CPA6: variants seen among roughly 807,000 people sequenced by gnomAD.
CPA6 encodes the protein carboxypeptidase A6, also known as carboxypeptidase B.
Under a neutral mutation model 63.3 loss-of-function variants are expected in CPA6, and 58 were observed. The observed-to-expected ratio is 0.92, with a 90% CI of 0.74 to 1.14. CPA6 has a LOEUF of 1.14. Among genes scored for constraint, CPA6 ranks in the 50% most tolerant of loss-of-function variants. The pLI is 0.00. For missense variants in CPA6, 565 were observed against 526.6 expected (o/e 1.07, Z -0.71); for synonymous variants, 185 against 179.0 (o/e 1.03, Z -0.27).
chr8:67,458,316 C>A (rs760586423), intron 8 of CPA6, among the ~76,000 whole-genome samples: 2 of 152,068 alleles, frequency 1.3e-5, no homozygotes, highest in Non-Finnish European at 1.5e-5. Flanking sequence ...CGTGCCTCAC[C>A]CTCCCTGAGT....
At chr8:67,673,384 AT>A (rs1363731184) in intron 1 of CPA6, among the ~76,000 whole-genome samples, 4 of 103,524 alleles carry the variant, frequency 3.9e-5, no homozygotes, top group African/African-American at 1.2e-4. Context: ...ATTATTATTT[AT>A]TTATTTTTTT....
intron 2 of CPA6, among the ~76,000 whole-genome samples, chr8:67,523,683 GCTTA>G (rs1172054272): frequency 6.6e-6 from 1 of 152,212 alleles, no homozygotes; most frequent in Non-Finnish European, 1.5e-5. Context: ...CTTGTGCTGT[GCTTA>G]CTTATTGGCC....
intron 1 of CPA6, among the ~76,000 whole-genome samples, chr8:67,697,617 T>A (rs534838883): frequency 2.0e-5 from 3 of 152,350 alleles, no homozygotes; most frequent in Non-Finnish European, 2.9e-5. Context: ...CTCAGTCTCA[T>A]CCACTGTTTA....
At chr8:67,471,226 C>T (rs1427043911) in intron 8 of CPA6, among the ~76,000 whole-genome samples, 4 of 152,152 alleles carry the variant, frequency 2.6e-5, no homozygotes, top group Non-Finnish European at 4.4e-5. Flanking sequence ...CCTAGACTTC[C>T]TCCCCTCCCA....
At chr8:67,566,028 G>A (rs751771800) in intron 2 of CPA6, among the ~76,000 whole-genome samples, 25 of 152,096 alleles carry the variant, frequency 1.6e-4, no homozygotes, top group Admixed American at 4.6e-4. Flanking sequence ...TCATTTCTTT[G>A]CCAGACACTC....
At chr8:67,455,663 CAAAAAAAAAAAAA>C (rs552041509) in intron 8 of CPA6, among the ~76,000 whole-genome samples, 6 of 30,252 alleles carry the variant, frequency 2.0e-4, no homozygotes, top group East Asian at 2.6e-3. Flanking sequence ...TCTACAAAAG[CAAAAAAAAAAAAA>C]AAAAAAAAAA....
chr8:67,713,099 G>GTATATATATATATA (rs67842734), intron 1 of CPA6, among the ~76,000 whole-genome samples: 24 of 55,026 alleles, frequency 4.4e-4, no homozygotes, highest in Admixed American at 1.4e-3. Flanking sequence ...GTGTGTGTGT[G>GTATATATATATATA]TATATATATA....
At chr8:67,638,061 G>A (rs1815511321) in intron 1 of CPA6, among the ~76,000 whole-genome samples, 1 of 150,586 alleles carries the variant, frequency 6.6e-6, no homozygotes, top group Admixed American at 6.6e-5. Flanking sequence ...TACAAGAGTG[G>A]CAATACAGTA....
At chr8:67,591,324 C>T (rs1012525090) in intron 2 of CPA6, among the ~76,000 whole-genome samples, 11 of 151,820 alleles carry the variant, frequency 7.2e-5, no homozygotes, top group African/African-American at 2.4e-4. Flanking sequence ...TAGTGTGATG[C>T]CTCCAGCTTT....
intron 2 of CPA6, among the ~76,000 whole-genome samples, chr8:67,562,324 C>T (rs1057181558): frequency 6.6e-6 from 1 of 152,148 alleles, no homozygotes; most frequent in Non-Finnish European, 1.5e-5. Flanking sequence ...TCACAGTGTA[C>T]TTGGGCACTC....
At chr8:67,634,263 AG>A (rs1244138581) in intron 1 of CPA6, among the ~76,000 whole-genome samples, 1 of 148,316 alleles carries the variant, frequency 6.7e-6, no homozygotes, top group Non-Finnish European at 1.5e-5. Context: ...TCTGTCGCCC[AG>A]GCTGGAGTGC....
At chr8:67,694,421 T>A (rs991163244) in intron 1 of CPA6, among the ~76,000 whole-genome samples, 1 of 152,240 alleles carries the variant, frequency 6.6e-6, no homozygotes, top group Non-Finnish European at 1.5e-5. Context: ...TGCCACCAAG[T>A]TACCATGTGG....
intron 1 of CPA6, among the ~76,000 whole-genome samples, chr8:67,674,065 C>T (rs1816415375): frequency 6.6e-6 from 1 of 152,164 alleles, no homozygotes; most frequent in Admixed American, 6.5e-5. Context: ...TCCTATGATG[C>T]TGGAACTATT....
chr8:67,642,692 G>A (rs1289272550), intron 1 of CPA6, among the ~76,000 whole-genome samples: 1 of 151,890 alleles, frequency 6.6e-6, no homozygotes, highest in East Asian at 1.9e-4. Flanking sequence ...CCATGACAGG[G>A]GTAGTATGGC....
At chr8:67,536,770 G>T (rs1475380739) in intron 2 of CPA6, among the ~76,000 whole-genome samples, 1 of 152,126 alleles carries the variant, frequency 6.6e-6, no homozygotes, top group African/African-American at 2.4e-5. Context: ...CTTGTCTCAT[G>T]CCGGTTTTCA....
At chr8:67,446,612 C>G (rs1322947818) in intron 8 of CPA6, among the ~76,000 whole-genome samples, 1 of 152,148 alleles carries the variant, frequency 6.6e-6, no homozygotes, top group Non-Finnish European at 1.5e-5. Context: ...CAACTGGTCC[C>G]TGTGGAAATT....
At chr8:67,690,037 A>AT (rs34480721) in intron 1 of CPA6, among the ~76,000 whole-genome samples, 38,520 of 152,040 alleles carry the variant, frequency 0.25, 5,122 homozygotes, top group South Asian at 0.35. Flanking sequence ...ATGATAATGA[A>AT]TTTTTTTATA....
intron 6 of CPA6, among the ~76,000 whole-genome samples, chr8:67,505,125 T>C (rs2128964471): frequency 6.6e-6 from 1 of 152,306 alleles, no homozygotes; most frequent in African/African-American, 2.4e-5. Flanking sequence ...GATTGTGTAC[T>C]ATAAAAATCC....
At chr8:67,425,395 G>A (rs1411362372) in intron 10 of CPA6, among the ~76,000 whole-genome samples, 2 of 152,124 alleles carry the variant, frequency 1.3e-5, no homozygotes, top group Non-Finnish European at 2.9e-5. Flanking sequence ...TTTTTCTTGA[G>A]ATGGAGTCTC....
Sources: allele counts gnomAD v4.1 joint callset (sites outside exome capture counted in the v4.1 genomes callset), GRCh38; gene constraint gnomAD v4.1.1; transcripts MANE v1.5; gene names NCBI Gene and HGNC (gene_info 2026-07-23, HGNC 2026-07-21).